KDM5C: variants seen among roughly 807,000 people sequenced by gnomAD.
The protein encoded by KDM5C is lysine-specific demethylase 5C.
KDM5C carries 16 observed loss-of-function variants against 110.6 expected under a neutral mutation model. The observed-to-expected ratio is 0.14, with a 90% CI of 0.10 to 0.22. The LOEUF is 0.22. Among genes scored for constraint, KDM5C ranks in the 10% least tolerant of loss-of-function variants. The probability of loss-of-function intolerance (pLI) is 1.00; values close to 1 mark genes in which losing one functional copy is unlikely to be tolerated. For missense variants in KDM5C, 681 were observed against 1,300.9 expected (o/e 0.52, Z 7.33); for synonymous variants, 511 against 520.4 (o/e 0.98, Z 0.24).
At chrX:53,214,601 GGCTGA>G (rs2073687223) in intron 8 of KDM5C, 83 bp downstream of exon 8, 2 of 1,040,548 alleles carry the variant, frequency 1.9e-6, no homozygotes, top group African/African-American at 1.9e-5. Context: ...CTAAGACTAT[GGCTGA>G]GCTAAGAGGC....
chrX:53,219,508 C>A (rs1486587981), intron 2 of KDM5C, among the ~76,000 whole-genome samples: 1 of 112,135 alleles, frequency 8.9e-6, no homozygotes, highest in African/African-American at 3.2e-5. Context: ...TGATGCTTCC[C>A]TGAAATCTCA....
intron 12 of KDM5C, among the ~76,000 whole-genome samples, chrX:53,204,615 G>C (rs1260377698): frequency 9.0e-6 from 1 of 110,824 alleles, no homozygotes; most frequent in African/African-American, 3.3e-5. Flanking sequence ...TCCTGCCTCA[G>C]CCTCCCGAGT....
chrX:53,207,602 TA>T (rs2073384464), intron 12 of KDM5C, among the ~76,000 whole-genome samples: 1 of 111,676 alleles, frequency 9.0e-6, no homozygotes, highest in African/African-American at 3.3e-5. Context: ...GTGGAGAGAA[TA>T]GGGGCGAACT....
chrX:53,189,484 T>G (rs1934335854), downstream of KDM5C, among the ~76,000 whole-genome samples: 3 of 112,539 alleles, frequency 2.7e-5, no homozygotes, highest in Middle Eastern at 0.014. Context: ...TTCCCCTTCC[T>G]TTCATGTGAG....
rs1227471798 is a variant in KDM5C at position 53,195,212 on chromosome X, T to C, written c.3300+19A>G. On this transcript the variant is annotated intron_variant, in intron 21 of 25. Transcript: ENST00000375401. ...GGCAGGCGTTAAGAGACGCTGTAGG[T>C]CAAGGTCCCAGGCCTCACCTCCAGC... The C allele has an allele frequency of 3.3e-6, 4 of 1,194,153 alleles. No homozygotes were observed. In the East Asian group the frequency reaches 1.2e-4, roughly 36 times the overall value.
At position 53,194,136 on chromosome X, in the gene KDM5C, C is replaced by T; in HGVS notation, c.4038+3G>A. The T allele has an allele frequency of 8.4e-7, 1 of 1,194,387 alleles. No individual in the cohort carries two copies. Among genetic ancestry groups the T allele is most frequent in the Non-Finnish European group, 1.1e-6 (1 of 886,411 alleles). ...AGGACAAGAGCTGGGCTGAGTAGCT[C>T]ACCTTAGGCATATCCTTGCCACTGC... On this transcript the variant is annotated splice_donor_region_variant and intron_variant, in intron 23 of 25. Coordinates refer to ENST00000375401, the MANE Select transcript of KDM5C (RefSeq NM_004187.5).
At chrX:53,209,396 T>A (rs2073489007) in intron 12 of KDM5C, among the ~76,000 whole-genome samples, 1 of 111,145 alleles carries the variant, frequency 9.0e-6, no homozygotes, top group African/African-American at 3.3e-5. Context: ...CTAAATTTTA[T>A]AATAAAAAAA....
intron 1 of KDM5C, among the ~76,000 whole-genome samples, chrX:53,223,171 T>A (rs992451082): frequency 9.0e-6 from 1 of 111,308 alleles, no homozygotes; most frequent in Admixed American, 9.5e-5. Context: ...CCTAAGTCAG[T>A]CCAAGATAGA....
intron 4 of KDM5C, 35 bp from the exon 5 acceptor site, chrX:53,217,312 G>A (rs868962440): frequency 8.3e-7 from 1 of 1,207,491 alleles, no homozygotes; most frequent in Non-Finnish European, 1.1e-6. Context: ...TCAGGACATG[G>A]ACTCCAGCCC....
rs782595659 is a variant in KDM5C at position 53,206,329 on chromosome X, G to A, written c.1746+4085C>T. Among the ~76,000 whole-genome samples, 4 of 111,536 alleles carry A rather than the reference G, an allele frequency of 3.6e-5. No homozygotes were observed. In the East Asian group the frequency reaches 8.4e-4, roughly 23 times the overall value. ...CTAGGGGCTGGAAAGGGGAGTGACC[G>A]TAAATGGGTATAAGGGATCTTTTTG... On this transcript the variant is annotated intron_variant, in intron 12 of 25. Transcript: ENST00000375401.
chrX:53,205,580 C>A (rs149622439), intron 12 of KDM5C, among the ~76,000 whole-genome samples: 1 of 112,572 alleles, frequency 8.9e-6, no homozygotes, highest in East Asian at 2.8e-4. Flanking sequence ...TAAGCCACAG[C>A]TCTGACAGGT....
At chrX:53,177,310 G>A (rs782321382) in intron 25 of KDM5C, among the ~76,000 whole-genome samples, 1 of 112,263 alleles carries the variant, frequency 8.9e-6, no homozygotes, top group South Asian at 3.7e-4. Flanking sequence ...GAGCCCAGAA[G>A]CTTGAGGTTA....
intron 25 of KDM5C, among the ~76,000 whole-genome samples, chrX:53,186,185 C>G (rs782385916): frequency 6.5e-5 from 7 of 106,891 alleles, no homozygotes; most frequent in Admixed American, 3.0e-4. Context: ...GTGGTGATTT[C>G]TCCAGTTCTT....
At position 53,201,733 on chromosome X, in the gene KDM5C, C is replaced by A; in HGVS notation, c.1878G>T (p.Gly626=). ...NFCTADWLPA[G]RQCIEHYRRL... ...GGCGGTAGTGCTCAATGCACTGGCGCCCAGCAGGCAACTGTGGGCAGGTTC... is the reference window on the plus strand; with the variant it reads ...GGCGGTAGTGCTCAATGCACTGGCGACCAGCAGGCAACTGTGGGCAGGTTC... Residue 626 remains glycine, a synonymous_variant, in exon 14 of 26, where the codon GGG becomes GGT. Coordinates refer to ENST00000375401, the MANE Select transcript of KDM5C (RefSeq NM_004187.5). 1.7e-6 allele frequency: 2 copies of A among 1,211,797 alleles called. No individual in the cohort carries two copies.
intron 12 of KDM5C, among the ~76,000 whole-genome samples, chrX:53,209,034 T>C (rs2073476607): frequency 9.6e-6 from 1 of 104,056 alleles, no homozygotes; most frequent in East Asian, 3.1e-4. Context: ...CCAAGCTGGT[T>C]TTGAACTCCT....
chrX:53,209,074 C>A (rs1353594835), intron 12 of KDM5C, among the ~76,000 whole-genome samples: 2 of 110,636 alleles, frequency 1.8e-5, no homozygotes, highest in African/African-American at 6.6e-5. Context: ...GCCTTGGCCT[C>A]CCAAAGTGCT....
In KDM5C at chrX:53,202,240, AT is replaced by A. The variant is rs1213220544; in HGVS notation, c.1747-268del. On this transcript the variant is annotated intron_variant, in intron 12 of 25. Coordinates refer to ENST00000375401, the MANE Select transcript of KDM5C (RefSeq NM_004187.5). The stretch of plus-strand genomic sequence containing the variant: ...TTCCTTAGTAATTTTTGCAAAAATT[AT>A]AAATATCACTTTTAATCAAGCTGGA... The A allele has an allele frequency of 2.8e-5, 9 of 323,433 alleles. No homozygotes were observed. The Admixed American group carries it at 3.9e-4, about 14-fold the overall frequency. The allele number at this position is 323,433 out of a possible 1,213,427, so 26.7% of individuals were successfully genotyped here.
chrX:53,193,580 G>C lies in KDM5C; in HGVS notation c.4174C>G (p.Pro1392Ala). The C allele has an allele frequency of 1.7e-6, 2 of 1,212,014 alleles. No homozygotes were observed. The highest frequency in any genetic ancestry group is 3.5e-5 in the South Asian group (2 of 57,020). Residue 1392 changes from proline to alanine, a missense_variant, in exon 25 of 26, where the codon CCT (proline) becomes GCT (alanine). Around this residue, in one of 14 missense-constraint regions of KDM5C, gnomAD observed 88 missense variants for 85.6 expected, o/e 1.03. Transcript: ENST00000375401. ...TCCAAGGGGGCCCGGGTTGCCTCAG[G>C]CAGTTCCAACACAGGGCCAGTCAAC... is the stretch of plus-strand genomic sequence containing the variant. ...PQLTGPVLEL[P>A]EATRAPLEEL...
At position 53,225,028 on chromosome X, in the gene KDM5C, A is replaced by C. The variant is rs975846190; in HGVS notation, c.-139T>G. On this transcript the variant is annotated 5_prime_UTR_variant, in exon 1 of 26. Transcript: ENST00000375401. ...GCAGCCGCCGCCCGCCGAGGGCCTA[A>C]GGGGGCGTGTGGCCGTCGTGCTCTG... 4.7e-5 allele frequency: 35 copies of C among 748,871 alleles called. No individual in the cohort carries two copies. The South Asian group carries it at 9.3e-4, about 20-fold the overall frequency. 61.7% of individuals were successfully genotyped at this position (748,871 alleles called of 1,213,427 possible). A position where few individuals can be genotyped will look rare whatever the true frequency, so the allele number is the denominator to read the frequency against.
Sources: allele counts gnomAD v4.1 joint callset (sites outside exome capture counted in the v4.1 genomes callset), GRCh38; gene constraint gnomAD v4.1.1; regional missense constraint gnomAD v4.1.1; transcripts MANE v1.5; gene names NCBI Gene and HGNC (gene_info 2026-07-23, HGNC 2026-07-21).